MDGA2: variants seen among roughly 807,000 people sequenced by gnomAD.
MDGA2 encodes MAM domain containing glycosylphosphatidylinositol anchor 2.
In MDGA2, 40 loss-of-function variants were observed where a neutral mutation model predicts 117.8. That is an observed-to-expected ratio of 0.34 (90% CI 0.26 to 0.44). The LOEUF (loss-of-function observed/expected upper bound fraction) is 0.44, where lower values mean the gene tolerates loss of function less well. MDGA2 is among the 20% of genes least tolerant of loss of function. The pLI, the probability that MDGA2 is intolerant of heterozygous loss-of-function variation, is 1.00. For missense variants in MDGA2, 1,123 were observed against 1,250.6 expected (o/e 0.90, Z 1.54); for synonymous variants, 452 against 439.0 (o/e 1.03, Z -0.37).
intron 1 of MDGA2, among the ~76,000 whole-genome samples, chr14:47,655,826 G>C (rs1302794098): frequency 1.3e-5 from 2 of 152,090 alleles, no homozygotes; most frequent in East Asian, 3.9e-4. Context: ...GCTTAGGGCA[G>C]TTAAAGACCT....
intron 1 of MDGA2, among the ~76,000 whole-genome samples, chr14:47,669,635 G>A (rs1393311788): frequency 6.6e-6 from 1 of 152,110 alleles, no homozygotes; most frequent in East Asian, 1.9e-4. Context: ...TCATGATCGT[G>A]GCCATGGTGG....
chr14:47,429,022 C>T (rs1416015458), intron 1 of MDGA2, among the ~76,000 whole-genome samples: 3 of 151,882 alleles, frequency 2.0e-5, no homozygotes, highest in East Asian at 1.9e-4. Context: ...GTCAGAAGTT[C>T]GAGACAAGCC....
intron 1 of MDGA2, among the ~76,000 whole-genome samples, chr14:47,331,165 A>G (rs1890282789): frequency 8.4e-6 from 1 of 119,436 alleles, no homozygotes; most frequent in South Asian, 3.3e-4. Flanking sequence ...ATAAATTCAT[A>G]TATCTACATA....
intron 2 of MDGA2, among the ~76,000 whole-genome samples, chr14:47,300,359 C>T (rs77817317): frequency 1.3e-5 from 2 of 152,142 alleles, no homozygotes; most frequent in South Asian, 4.1e-4. Flanking sequence ...TAAGAATTAT[C>T]AATTATTGAG....
chr14:47,338,402 G>A (rs1156764285), intron 1 of MDGA2, among the ~76,000 whole-genome samples: 1 of 151,520 alleles, frequency 6.6e-6, no homozygotes, highest in Admixed American at 6.6e-5. Context: ...TATCTTGCTA[G>A]TATCATGGGC....
intron 8 of MDGA2, among the ~76,000 whole-genome samples, chr14:47,006,551 TATC>T (rs1209384648): frequency 2.0e-5 from 3 of 150,824 alleles, no homozygotes; most frequent in Non-Finnish European, 4.4e-5. Flanking sequence ...TCAACTATTA[TATC>T]ATATCAGATA....
intron 1 of MDGA2, among the ~76,000 whole-genome samples, chr14:47,546,470 T>C (rs1302074202): frequency 2.0e-5 from 3 of 152,220 alleles, no homozygotes; most frequent in African/African-American, 7.2e-5. Context: ...CTACTCATCA[T>C]AGTATTATTG....
intron 8 of MDGA2, among the ~76,000 whole-genome samples, chr14:47,004,310 T>C (rs1016008283): frequency 6.6e-6 from 1 of 151,846 alleles, no homozygotes; most frequent in Non-Finnish European, 1.5e-5. Context: ...ATCCAACTGT[T>C]ATTGTATAAT....
intron 2 of MDGA2, among the ~76,000 whole-genome samples, chr14:47,227,754 C>T (rs1424936336): frequency 6.6e-6 from 1 of 152,110 alleles, no homozygotes; most frequent in African/African-American, 2.4e-5. Context: ...CCACAATGCA[C>T]CCAAAGTAGA....
At chr14:47,300,714 G>T (rs1336320964) in intron 2 of MDGA2, among the ~76,000 whole-genome samples, 1 of 151,396 alleles carries the variant, frequency 6.6e-6, no homozygotes, top group Non-Finnish European at 1.5e-5. Flanking sequence ...GCCCAGGCTG[G>T]TCGCCAACTT....
intron 1 of MDGA2, among the ~76,000 whole-genome samples, chr14:47,540,540 G>GTGTATGTGTA: frequency 1.3e-5 from 1 of 79,186 alleles, no homozygotes; most frequent in African/African-American, 3.9e-5. Context: ...GTGTGTGTGT[G>GTGTATGTGTA]TATATATATA....
intron 7 of MDGA2, among the ~76,000 whole-genome samples, chr14:47,043,190 C>T (rs1889139191): frequency 6.6e-6 from 1 of 152,018 alleles, no homozygotes; most frequent in Admixed American, 6.6e-5. Flanking sequence ...ATCCAACATG[C>T]TAGACATTCC....
intron 8 of MDGA2, among the ~76,000 whole-genome samples, chr14:46,973,097 CT>C (rs1356000901): frequency 6.6e-6 from 1 of 151,992 alleles, no homozygotes; most frequent in African/African-American, 2.4e-5. Context: ...TGCCCAAAAT[CT>C]GGAAGACTGA....
At chr14:47,213,916 C>A (rs111412610) in intron 3 of MDGA2, among the ~76,000 whole-genome samples, 1 of 152,108 alleles carries the variant, frequency 6.6e-6, no homozygotes, top group African/African-American at 2.4e-5. Flanking sequence ...AAGCAAGGCA[C>A]CTTCTTCGCA....
chr14:47,310,110 T>C (rs1476017465), intron 1 of MDGA2, among the ~76,000 whole-genome samples: 1 of 152,142 alleles, frequency 6.6e-6, no homozygotes, highest in Non-Finnish European at 1.5e-5. Flanking sequence ...TGTTATTTCA[T>C]GAAGATTTAC....
intron 8 of MDGA2, among the ~76,000 whole-genome samples, chr14:47,031,606 T>C (rs1468637686): frequency 6.6e-6 from 1 of 152,164 alleles, no homozygotes; most frequent in Non-Finnish European, 1.5e-5. Context: ...GGTTTGGATC[T>C]GTGTCCCTGC....
intron 9 of MDGA2, among the ~76,000 whole-genome samples, chr14:46,926,391 G>A (rs927646875): frequency 4.7e-5 from 7 of 150,180 alleles, no homozygotes; most frequent in Non-Finnish European, 7.4e-5. Context: ...GAAATCCAAG[G>A]TGAACTTAAA....
rs75547215 is a variant in MDGA2 at position 47,502,257 on chromosome 14, A to G, written c.280+172260T>C. Among the ~76,000 whole-genome samples, 376 of 152,286 alleles carry G rather than the reference A, an allele frequency of 2.5e-3. 9 individuals carry two copies. The East Asian group carries it at 0.064, about 26-fold the overall frequency. On this transcript the variant is annotated intron_variant, in intron 1 of 16. Transcript: ENST00000399232. ...CCCTTACTTTTAGGAGGATCCCTTAAGCCAGGAGTTTGAGTTACGATCATG... is the reference window on the plus strand; with the variant it reads ...CCCTTACTTTTAGGAGGATCCCTTAGGCCAGGAGTTTGAGTTACGATCATG...
intron 14 of MDGA2, among the ~76,000 whole-genome samples, chr14:46,858,182 CACTG>C (rs1881349393): frequency 6.6e-6 from 1 of 150,960 alleles, no homozygotes; most frequent in South Asian, 2.1e-4. Context: ...TCTTCAAGTT[CACTG>C]ACTTTTTTTT....
Sources: gnomAD v4.1 joint callset for allele counts (sites outside exome capture counted in the v4.1 genomes callset) on GRCh38, gnomAD v4.1.1 for gene constraint, MANE v1.5 for transcripts, NCBI Gene and HGNC (gene_info 2026-07-23, HGNC 2026-07-21) for gene names.